HSD17B3: variants seen among roughly 807,000 people sequenced by gnomAD.
The protein encoded by HSD17B3 is 17-beta-hydroxysteroid dehydrogenase type 3.
HSD17B3 carries 29 observed loss-of-function variants against 41.1 expected under a neutral mutation model. The observed-to-expected ratio is 0.71, with a 90% CI of 0.53 to 0.96. The LOEUF is 0.96. Among genes scored for constraint, HSD17B3 ranks in the 40% least tolerant of loss-of-function variants. The pLI is 0.00. For missense variants in HSD17B3, 323 were observed against 374.6 expected (o/e 0.86, Z 1.14); for synonymous variants, 126 against 145.6 (o/e 0.87, Z 0.97).
intron 2 of HSD17B3, among the ~76,000 whole-genome samples, chr9:96,286,252 G>A (rs1396334698): frequency 6.6e-6 from 1 of 152,116 alleles, no homozygotes; most frequent in Admixed American, 6.5e-5. Flanking sequence ...GTTGAGGCAG[G>A]AGAATCACTT....
chr9:96,262,971 TGA>T (rs1320501323), intron 2 of HSD17B3, among the ~76,000 whole-genome samples: 1 of 152,246 alleles, frequency 6.6e-6, no homozygotes, highest in African/African-American at 2.4e-5. Context: ...GTCTTATTTA[TGA>T]GTTTCCCTTC....
chr9:96,264,675 C>T (rs573993701), intron 2 of HSD17B3, among the ~76,000 whole-genome samples: 11 of 152,150 alleles, frequency 7.2e-5, no homozygotes, highest in African/African-American at 2.7e-4. Context: ...GTCCAGCCCC[C>T]ACACTGCGTC....
intron 7 of HSD17B3, 24 bp from the exon 8 acceptor site, chr9:96,245,450 C>G: frequency 6.3e-7 from 1 of 1,587,962 alleles, no homozygotes; most frequent in Admixed American, 1.7e-5. Context: ...AAGCAAAGTT[C>G]CCATGGCTTT....
rs191402237 is a variant in HSD17B3, at chr9:96,269,567, C to T, written c.202-14624G>A. On this transcript the variant is annotated intron_variant, in intron 2 of 10. Coordinates refer to ENST00000375263, the MANE Select transcript of HSD17B3 (RefSeq NM_000197.2). ...CATGGTTCATTTCATTCATCCATGT[C>T]GGCATGGATGAACTTCAGAAGCATG... Among the ~76,000 whole-genome samples, 626 of 152,080 alleles carry T rather than the reference C, an allele frequency of 4.1e-3. 7 individuals are homozygous for T. The highest frequency in any genetic ancestry group is 0.014 in the African/African-American group (601 of 41,484).
intron 6 of HSD17B3, among the ~76,000 whole-genome samples, chr9:96,247,776 G>A (rs544405206): frequency 6.6e-6 from 1 of 152,156 alleles, no homozygotes; most frequent in Non-Finnish European, 1.5e-5. Context: ...ACTGAATCTC[G>A]TGGGTCCCCG....
At chr9:96,241,488 T>C (rs1178960184) in intron 9 of HSD17B3, among the ~76,000 whole-genome samples, 1 of 152,164 alleles carries the variant, frequency 6.6e-6, no homozygotes, top group Non-Finnish European at 1.5e-5. Context: ...CCTCATAACC[T>C]CTTCCTGTTG....
rs377243298 is a variant in HSD17B3, at chr9:96,301,931, G to A, written c.154+20C>T. ...AGGAACAACAGCAGCAAAAAAACAT[G>A]AGATGGAACACTCCCTTACCTGCCC... On this transcript the variant is annotated intron_variant, in intron 1 of 10. Transcript: ENST00000375263. 1 of 1,612,494 alleles carries A rather than the reference G, an allele frequency of 6.2e-7. No homozygotes were observed. The highest frequency in any genetic ancestry group is 1.3e-5 in the African/African-American group (1 of 74,992).
intron 2 of HSD17B3, among the ~76,000 whole-genome samples, chr9:96,296,925 T>C (rs1277294007): frequency 6.6e-6 from 1 of 151,830 alleles, no homozygotes; most frequent in Non-Finnish European, 1.5e-5. Flanking sequence ...GACACATTGC[T>C]TCGGGAGGCT....
intron 2 of HSD17B3, among the ~76,000 whole-genome samples, chr9:96,278,796 C>T (rs991237040): frequency 3.9e-5 from 6 of 152,122 alleles, no homozygotes; most frequent in African/African-American, 1.4e-4. Flanking sequence ...TGTAGGTACC[C>T]TCCCACAAAA....
At chr9:96,287,616 A>G (rs1206046151) in intron 2 of HSD17B3, among the ~76,000 whole-genome samples, 1 of 152,202 alleles carries the variant, frequency 6.6e-6, no homozygotes, top group East Asian at 1.9e-4. Context: ...AGGCTGAGGC[A>G]GGAGAATCAC....
chr9:96,241,249 A>G (rs1490134207), intron 9 of HSD17B3, among the ~76,000 whole-genome samples: 1 of 152,228 alleles, frequency 6.6e-6, no homozygotes, highest in Non-Finnish European at 1.5e-5. Context: ...TCAGACAAAC[A>G]ATGAAAACCA....
At chr9:96,244,010 G>A (rs1196232752) in intron 9 of HSD17B3, among the ~76,000 whole-genome samples, 7 of 152,306 alleles carry the variant, frequency 4.6e-5, no homozygotes, top group African/African-American at 9.6e-5. Context: ...CAACCAACCC[G>A]AATGTCTGCT....
chr9:96,298,977 A>G (rs1372111090), intron 1 of HSD17B3, among the ~76,000 whole-genome samples: 1 of 152,200 alleles, frequency 6.6e-6, no homozygotes, highest in East Asian at 1.9e-4. Flanking sequence ...TAGGGAATTT[A>G]GCAAAGAGGA....
At chr9:96,241,987 AAGAAAGAAAGAAAGAAAG>A (rs1423482090) in intron 9 of HSD17B3, among the ~76,000 whole-genome samples, 6 of 149,664 alleles carry the variant, frequency 4.0e-5, no homozygotes, top group African/African-American at 1.5e-4. Context: ...GAAAGAAAGA[AAGAAAGAAAGAAAGAAAG>A]AGAAAGAAAA....
intron 2 of HSD17B3, among the ~76,000 whole-genome samples, chr9:96,289,719 A>G (rs967885290): frequency 6.6e-6 from 1 of 152,100 alleles, no homozygotes; most frequent in East Asian, 1.9e-4. Flanking sequence ...GCGCCCGAGA[A>G]CACTTGGTTG....
chr9:96,260,539 A>C (rs1825818974), intron 2 of HSD17B3, among the ~76,000 whole-genome samples: 1 of 152,074 alleles, frequency 6.6e-6, no homozygotes. Flanking sequence ...AAACTCAATC[A>C]CCTTGGTAAA....
At chr9:96,238,895 A>G (rs926440803) in intron 10 of HSD17B3, among the ~76,000 whole-genome samples, 3 of 152,202 alleles carry the variant, frequency 2.0e-5, no homozygotes, top group Admixed American at 6.5e-5. Flanking sequence ...CAACCACAGG[A>G]AATTATCTCA....
At chr9:96,298,583 T>G (rs1459102440) in intron 1 of HSD17B3, 121 bp from the exon 2 acceptor site, 2 of 830,722 alleles carry the variant, frequency 2.4e-6, no homozygotes, top group African/African-American at 3.3e-5. Context: ...GGTTCATCCC[T>G]TTGCTCTCCA....
chr9:96,245,389 C>A lies in HSD17B3; in HGVS notation c.562G>T (p.Ala188Ser). The change falls in exon 8 of 11, where the codon GCC (alanine) becomes TCC (serine). Residue 188 changes from alanine to serine, a missense_variant. Coordinates refer to ENST00000375263, the MANE Select transcript of HSD17B3 (RefSeq NM_000197.2). ...GLILNISSGIALFPWPLYSMY... is the reference protein window; with the variant it reads ...GLILNISSGISLFPWPLYSMY... ...GAGTAGAGAGGCCAAGGAAACAGGGCTATCCCAGAAGAAATGTTCAGGATG... is the reference window on the plus strand; with the variant it reads ...GAGTAGAGAGGCCAAGGAAACAGGGATATCCCAGAAGAAATGTTCAGGATG... 6.2e-7 allele frequency: 1 copy of A among 1,614,116 alleles called. No homozygotes were observed. The highest frequency in any genetic ancestry group is 8.5e-7 in the Non-Finnish European group (1 of 1,179,982).
Sources: gnomAD v4.1 joint callset for allele counts (sites outside exome capture counted in the v4.1 genomes callset) on GRCh38, gnomAD v4.1.1 for gene constraint, MANE v1.5 for transcripts, NCBI Gene and HGNC (gene_info 2026-07-23, HGNC 2026-07-21) for gene names.